The following ORC4 variants were observed in gnomAD, a reference collection of about 807,000 sequenced individuals.
ORC4 encodes the protein origin recognition complex, subunit 4 homolog.
Under a neutral mutation model 63.9 loss-of-function variants are expected in ORC4, and 55 were observed. The ratio of observed to expected loss-of-function variants is 0.86; its 90% CI spans 0.69 to 1.08. The LOEUF (loss-of-function observed/expected upper bound fraction) is 1.08. Ranked by LOEUF, ORC4 falls within the 50% of genes least tolerant of loss-of-function variation. ORC4 has a pLI of 0.00. For synonymous variants in ORC4, 150 were observed against 168.5 expected (o/e 0.89, Z 0.85); for missense variants, 511 against 504.4 (o/e 1.01, Z -0.13).
chr2:147,939,149 T>C lies in ORC4; in HGVS notation c.949A>G (p.Ile317Val). The C allele has an allele frequency of 6.3e-7, 1 of 1,595,820 alleles. No homozygotes were observed. Among genetic ancestry groups the C allele is most frequent in the African/African-American group, 1.3e-5 (1 of 74,672 alleles). The change falls in exon 11 of 14, where the codon ATT becomes GTT. Residue 317 changes from isoleucine to valine, a missense_variant. Coordinates refer to ENST00000392857, the MANE Select transcript of ORC4 (RefSeq NM_181741.4). ...AAGGCTGGGTTCTCACCATGTACAATATTTGCTTTCGAGTCCATGCTACAC... is the reference window on the plus strand; with the variant it reads ...AAGGCTGGGTTCTCACCATGTACAACATTTGCTTTCGAGTCCATGCTACAC... ...QLCSMDSKAN[I>V]VHGLSVLEIC...
rs17225346 is a variant in ORC4, at chr2:147,974,629, G to A, written c.58-1105C>T. Among the ~76,000 whole-genome samples the A allele has an allele frequency of 8.7e-5, 13 of 149,488 alleles. 1 individual carries two copies. In the South Asian group the frequency reaches 2.5e-3, roughly 29 times the overall value. On this transcript the variant is annotated intron_variant, in intron 2 of 13. Transcript: ENST00000392857. ...CAGCTGGGGCAACAGAGCAAGACTTGGTCTCAAAAAAAAAAAAAGGTTTAA... is the reference window on the plus strand; with the variant it reads ...CAGCTGGGGCAACAGAGCAAGACTTAGTCTCAAAAAAAAAAAAAGGTTTAA...
chr2:147,949,326 G>GT (rs1286305519), intron 8 of ORC4, among the ~76,000 whole-genome samples: 2 of 152,038 alleles, frequency 1.3e-5, no homozygotes, highest in African/African-American at 4.8e-5. Context: ...CTGAAAACAT[G>GT]TTAAAGAAGC....
chr2:147,964,557 TGAGA>T lies in ORC4; in HGVS notation c.226-5695_226-5692del, dbSNP rs373529112. ...CCATAGTTGAAAACTTCCCAGTTCT[TGAGA>T]GAGGAATGGACATCCAAAGGAAGCT... On this transcript the variant is annotated intron_variant, in intron 4 of 13. Coordinates refer to ENST00000392857, the MANE Select transcript of ORC4 (RefSeq NM_181741.4). Among the ~76,000 whole-genome samples, 12 of 152,280 alleles carry T rather than the reference TGAGA, an allele frequency of 7.9e-5. No individual in the cohort carries two copies. The East Asian group carries it at 2.1e-3, about 27-fold the overall frequency.
At chr2:147,969,457 C>T (rs2603597) in intron 4 of ORC4, among the ~76,000 whole-genome samples, 94,208 of 151,764 alleles carry the variant, frequency 0.62, 29,864 homozygotes, top group Middle Eastern at 0.76. Flanking sequence ...TAATTACTAC[C>T]TAAAATGACT....
At chr2:147,943,572 A>G (rs1688494261) in intron 9 of ORC4, 50 bp from the exon 10 acceptor site, 3 of 1,085,070 alleles carry the variant, frequency 2.8e-6, no homozygotes, top group Non-Finnish European at 4.2e-6. Flanking sequence ...GATGTAGTTT[A>G]AAACCTAAAT....
At position 147,933,657 on chromosome 2, in the gene ORC4, T is replaced by A. The variant is rs961998835; in HGVS notation, c.*1853A>T. 6.6e-5 allele frequency: 10 copies of A among 152,274 alleles called. No homozygotes were observed. Among genetic ancestry groups the A allele is most frequent in the Non-Finnish European group, 1.3e-4 (9 of 68,010 alleles). 9.4% of individuals were successfully genotyped at this position (152,274 alleles called of 1,614,324 possible). ...TCCTCAAGTCATTTCATGAGGCTGT[T>A]ACCCTTTAAGACAAATAATACTTTC... is the stretch of plus-strand genomic sequence containing the variant. On this transcript the variant is annotated 3_prime_UTR_variant, in exon 14 of 14. Transcript: ENST00000392857.
chr2:148,000,891 G>C (rs1692260278), intron 1 of ORC4, among the ~76,000 whole-genome samples: 2 of 152,060 alleles, frequency 1.3e-5, no homozygotes, highest in African/African-American at 4.8e-5. Context: ...TGGGATGTTT[G>C]TGGAAAAAGG....
chr2:148,010,268 T>A (rs1692876590), intron 1 of ORC4, among the ~76,000 whole-genome samples: 1 of 151,736 alleles, frequency 6.6e-6, no homozygotes, highest in African/African-American at 2.4e-5. Flanking sequence ...AACAACCTAG[T>A]AATGCATCTT....
At chr2:147,990,545 A>G (rs906246205) in intron 1 of ORC4, among the ~76,000 whole-genome samples, 11 of 152,234 alleles carry the variant, frequency 7.2e-5, no homozygotes, top group African/African-American at 2.4e-4. Flanking sequence ...GATCAGCTCA[A>G]AAATGCTATC....
intron 1 of ORC4, among the ~76,000 whole-genome samples, chr2:147,985,447 C>T (rs1044662645): frequency 1.3e-5 from 2 of 152,166 alleles, no homozygotes; most frequent in South Asian, 2.1e-4. Flanking sequence ...CCGCCTGCCT[C>T]GGCCTCCCAA....
chr2:147,952,564 A>G, intron 7 of ORC4, 40 bp from the exon 8 acceptor site: 1 of 1,473,418 alleles, frequency 6.8e-7, no homozygotes, highest in Non-Finnish European at 9.5e-7. Context: ...AAGAAATTAT[A>G]TCCACCTTTC....
Position 147,956,712 on chromosome 2 carries a change from G to A in ORC4, c.388-1317C>T, listed in dbSNP as rs907695576. ...GTATCATGTTTGGCTATGCTTACTCGGAACACAGCCAAAACATTTTTGGGT... is the reference window on the plus strand; with the variant it reads ...GTATCATGTTTGGCTATGCTTACTCAGAACACAGCCAAAACATTTTTGGGT... On this transcript the variant is annotated intron_variant, in intron 6 of 13. Coordinates refer to ENST00000392857, the MANE Select transcript of ORC4 (RefSeq NM_181741.4). Among the ~76,000 whole-genome samples the A allele has an allele frequency of 2.6e-5, 4 of 151,792 alleles. No individual in the cohort carries two copies. The East Asian group carries it at 5.8e-4, about 22-fold the overall frequency.
At chr2:147,941,439 T>C (rs1295856344) in intron 10 of ORC4, among the ~76,000 whole-genome samples, 1 of 151,972 alleles carries the variant, frequency 6.6e-6, no homozygotes, top group Non-Finnish European at 1.5e-5. Flanking sequence ...TAAATATTAA[T>C]AGTCACAGTC....
At chr2:148,003,545 C>G (rs527543849) in intron 1 of ORC4, among the ~76,000 whole-genome samples, 57 of 152,160 alleles carry the variant, frequency 3.7e-4, no homozygotes, top group African/African-American at 1.3e-3. Context: ...AAAACGCCTT[C>G]GACAAAATTC....
chr2:147,943,363 C>T, intron 10 of ORC4, 73 bp downstream of exon 10: 1 of 994,912 alleles, frequency 1.0e-6, no homozygotes. Context: ...CCAGTCTGAG[C>T]AACAAAGTGA....
intron 8 of ORC4, 32 bp downstream of exon 8, chr2:147,952,341 A>T (rs1314179389): frequency 2.1e-6 from 3 of 1,457,600 alleles, no homozygotes; most frequent in Non-Finnish European, 2.9e-6. Context: ...AAAATATTAT[A>T]ATCAATTTTT....
At chr2:147,960,322 T>C (rs980450845) in intron 4 of ORC4, 3 of 980,824 alleles carry the variant, frequency 3.1e-6, no homozygotes, top group Non-Finnish European at 3.6e-6. Context: ...ATGATAAATA[T>C]ATTAGCAAGT....
chr2:147,986,478 T>TA (rs1292017416), intron 1 of ORC4, among the ~76,000 whole-genome samples: 3 of 151,572 alleles, frequency 2.0e-5, no homozygotes, highest in African/African-American at 4.8e-5. Context: ...ATTTCAAGCC[T>TA]AAAAAAAAGA....
At chr2:147,956,872 A>G (rs1444006548) in intron 6 of ORC4, among the ~76,000 whole-genome samples, 1 of 151,674 alleles carries the variant, frequency 6.6e-6, no homozygotes, top group East Asian at 1.9e-4. Context: ...AGAAACACCT[A>G]CCCAGATCAA....
Sources: allele counts gnomAD v4.1 joint callset (sites outside exome capture counted in the v4.1 genomes callset), GRCh38; gene constraint gnomAD v4.1.1; transcripts MANE v1.5; gene names NCBI Gene and HGNC (gene_info 2026-07-23, HGNC 2026-07-21).